Variants in HSPA4 observed in about 807,000 individuals in gnomAD.
HSPA4 encodes the protein heat shock 70 kDa protein 4.
Under a neutral mutation model 106.2 loss-of-function variants are expected in HSPA4, and 25 were observed. That is an observed-to-expected ratio of 0.24 (90% confidence interval 0.17 to 0.33). The LOEUF is 0.33. Ranked by LOEUF, HSPA4 falls within the 10% of genes least tolerant of loss-of-function variation. The pLI, the probability that HSPA4 is intolerant of heterozygous loss-of-function variation, is 1.00. For missense variants in HSPA4, 841 were observed against 996.0 expected (o/e 0.84, Z 2.10); for synonymous variants, 332 against 333.6 (o/e 1.00, Z 0.05).
chr5:133,069,970 A>T (rs1765360276), intron 3 of HSPA4, among the ~76,000 whole-genome samples: 1 of 151,980 alleles, frequency 6.6e-6, no homozygotes. Context: ...TTTTGAGACC[A>T]GCATCGGCAA....
chr5:133,101,760 A>C lies in HSPA4; in HGVS notation c.2039A>C (p.Asn680Thr). 6.2e-7 allele frequency: 1 copy of C among 1,608,226 alleles called. No individual in the cohort carries two copies. The highest frequency in any genetic ancestry group is 8.5e-7 in the Non-Finnish European group (1 of 1,178,318). ...AAGACTGTGTATTCTTCTGTTAAGA[A>C]TCTAGGTCAACCTATTAAGATACGT... The part of the protein sequence containing the change: ...VYVDKLAELK[N>T]LGQPIKIRFQ... The change falls in exon 17 of 19, where the codon AAT (asparagine) becomes ACT (threonine). Residue 680 changes from asparagine (N) to threonine (T), a missense_variant and splice_region_variant. Around this residue, in one of 5 missense-constraint regions of HSPA4, gnomAD observed 328 missense variants for 372.2 expected, o/e 0.88. Coordinates refer to ENST00000304858, the MANE Select transcript of HSPA4 (RefSeq NM_002154.4).
intron 13 of HSPA4, among the ~76,000 whole-genome samples, chr5:133,094,067 G>A (rs895417365): frequency 3.3e-5 from 5 of 152,134 alleles, no homozygotes; most frequent in Non-Finnish European, 5.9e-5. Context: ...ACTCCAATTT[G>A]GGCGACAGAG....
At chr5:133,102,670 G>T (rs571886511) in intron 17 of HSPA4, among the ~76,000 whole-genome samples, 1 of 152,218 alleles carries the variant, frequency 6.6e-6, no homozygotes, top group Admixed American at 6.5e-5. Context: ...TATACCCCAG[G>T]TTCTTGACAT....
chr5:133,087,042 G>A (rs1765586403), intron 8 of HSPA4, among the ~76,000 whole-genome samples, 184 bp downstream of exon 8: 1 of 152,056 alleles, frequency 6.6e-6, no homozygotes, highest in African/African-American at 2.4e-5. Context: ...GAAATGTCTA[G>A]GGAAATCTAA....
At chr5:133,055,151 C>T (rs758098580) in intron 1 of HSPA4, among the ~76,000 whole-genome samples, 1 of 152,080 alleles carries the variant, frequency 6.6e-6, no homozygotes, top group African/African-American at 2.4e-5. Flanking sequence ...AAATAATTTT[C>T]CTTACATGTT....
intron 11 of HSPA4, among the ~76,000 whole-genome samples, 168 bp downstream of exon 11, chr5:133,089,863 A>AG (rs1765623489): frequency 6.6e-6 from 1 of 151,988 alleles, no homozygotes; most frequent in African/African-American, 2.4e-5. Context: ...AAACAACAAC[A>AG]AAAAAAAGCT....
rs1167882263 is a variant in HSPA4 at position 133,092,808 on chromosome 5, T to G, written c.1650+19T>G. 76 of 46,432 alleles carry G rather than the reference T, an allele frequency of 1.6e-3. 1 individual carries two copies. In the East Asian group the frequency reaches 0.05, roughly 30 times the overall value. 2.9% of individuals were successfully genotyped at this position (46,432 alleles called of 1,614,324 possible). A position where few individuals can be genotyped will look rare whatever the true frequency, so the allele number is the denominator to read the frequency against. On this transcript the variant is annotated intron_variant, in intron 13 of 18. Transcript: ENST00000304858. ...AATGGAGGTATGCATTGGGTGGTGTTTTTTTTTTTTTTTTTTTTTTTTTTT... is the reference window on the plus strand; with the variant it reads ...AATGGAGGTATGCATTGGGTGGTGTGTTTTTTTTTTTTTTTTTTTTTTTTT...
chr5:133,075,224 G>C (rs1321702682), intron 6 of HSPA4, among the ~76,000 whole-genome samples: 1 of 152,076 alleles, frequency 6.6e-6, no homozygotes, highest in African/African-American at 2.4e-5. Context: ...AGCTATAAAT[G>C]GTGGACCAAA....
rs61755723 is a variant in HSPA4 at position 133,099,561 on chromosome 5, C to G, written c.1946C>G (p.Thr649Ser). 5.1e-3 allele frequency: 8,017 copies of G among 1,586,994 alleles called. 54 individuals carry two copies. The highest frequency in any genetic ancestry group is 0.017 in the South Asian group (1,527 of 89,698). ...FVSEDDRNSF[T>S]LKLEDTENWL... is the part of the protein sequence containing the mutation. ...TATCATTAGGATCGTAACAGTTTTA[C>G]TTTGAAACTGGAAGATACTGAAAAT... is the stretch of plus-strand genomic sequence containing the variant. The change falls in exon 16 of 19, where the codon ACT becomes AGT. Residue 649 changes from threonine (T) to serine (S), a missense_variant. By Grantham distance (58) the Thr-to-Ser change is moderately conservative. This residue lies in a region of HSPA4 where 328 missense variants were observed against 372.2 expected (regional missense o/e 0.88). Coordinates refer to ENST00000304858, the MANE Select transcript of HSPA4 (RefSeq NM_002154.4).
At chr5:133,089,766 C>CA (rs1473727584) in intron 11 of HSPA4, 71 bp downstream of exon 11, 1 of 1,256,032 alleles carries the variant, frequency 8.0e-7, no homozygotes. Flanking sequence ...GTAATCCCAA[C>CA]ACTTTGAAAG....
At chr5:133,097,050 A>G in intron 14 of HSPA4, 111 bp from the exon 15 acceptor site, 3 of 785,456 alleles carry the variant, frequency 3.8e-6, no homozygotes, top group Non-Finnish European at 3.9e-6. Context: ...TGTGACTTGC[A>G]GAACTAAAAG....
chr5:133,058,998 C>T (rs528498962), intron 1 of HSPA4, among the ~76,000 whole-genome samples: 31 of 146,992 alleles, frequency 2.1e-4, no homozygotes, highest in Non-Finnish European at 3.9e-4. Flanking sequence ...TGTGGTGGCA[C>T]GCGCCTGTAA....
chr5:133,085,143 A>AT (rs886182790), intron 7 of HSPA4, among the ~76,000 whole-genome samples: 1,993 of 144,074 alleles, frequency 0.014, 42 homozygotes, highest in African/African-American at 0.048. Flanking sequence ...TTAAAAAAAA[A>AT]TTTTTTTTTT....
intron 13 of HSPA4, among the ~76,000 whole-genome samples, chr5:133,093,126 C>T (rs540735588): frequency 1.8e-4 from 28 of 151,856 alleles, no homozygotes; most frequent in African/African-American, 6.5e-4. Flanking sequence ...CCACCACACC[C>T]GGCTGAGTTG....
chr5:133,085,637 G>C (rs185681832), intron 7 of HSPA4, among the ~76,000 whole-genome samples: 1 of 151,924 alleles, frequency 6.6e-6, no homozygotes, highest in African/African-American at 2.4e-5. Context: ...TCTAGCCTGG[G>C]CAACAAGATT....
chr5:133,088,429 A>C lies in HSPA4; in HGVS notation c.1011A>C (p.Ala337=). Residue 337 remains alanine, a synonymous_variant, in exon 9 of 19, where the codon GCA becomes GCC. Transcript: ENST00000304858. ...QTKLKKEDIY[A]VEIVGGATRI... ...AGTTAAAGAAAGAAGATATTTATGC[A>C]GTGGAGATAGTTGGTGGTGCTACAC... The C allele has an allele frequency of 6.2e-7, 1 of 1,611,130 alleles. No individual in the cohort carries two copies. Among genetic ancestry groups the C allele is most frequent in the Non-Finnish European group, 8.5e-7 (1 of 1,177,376 alleles).
At chr5:133,056,549 GC>G (rs886869671) in intron 1 of HSPA4, among the ~76,000 whole-genome samples, 2 of 152,226 alleles carry the variant, frequency 1.3e-5, no homozygotes, top group African/African-American at 4.8e-5. Context: ...GGGAATACAG[GC>G]GTGAGCCACC....
intron 2 of HSPA4, among the ~76,000 whole-genome samples, chr5:133,067,035 T>G (rs939004831): frequency 6.6e-6 from 1 of 152,140 alleles, no homozygotes; most frequent in African/African-American, 2.4e-5. Context: ...CTAAATCAAT[T>G]TATGTATTGC....
At chr5:133,101,642 A>C in intron 16 of HSPA4, 117 bp from the exon 17 acceptor site, 2 of 936,360 alleles carry the variant, frequency 2.1e-6, no homozygotes, top group Non-Finnish European at 3.2e-6. Flanking sequence ...GGAGAAATAT[A>C]TTTAACTTCT....
Sources: allele counts gnomAD v4.1 joint callset (sites outside exome capture counted in the v4.1 genomes callset), GRCh38; gene constraint gnomAD v4.1.1; regional missense constraint gnomAD v4.1.1; transcripts MANE v1.5; gene names NCBI Gene and HGNC (gene_info 2026-07-23, HGNC 2026-07-21).